Variants in TRAIP observed in about 807,000 individuals in gnomAD.
TRAIP encodes the protein TRAF interacting protein.
TRAIP carries 37 observed loss-of-function variants against 65.0 expected under a neutral mutation model. That is an observed-to-expected ratio of 0.57 (90% CI 0.44 to 0.75). The LOEUF (loss-of-function observed/expected upper bound fraction) is 0.75, where lower values mean the gene tolerates loss of function less well. Among genes scored for constraint, TRAIP ranks in the 30% least tolerant of loss-of-function variants. The pLI is 0.00. For synonymous variants in TRAIP, 187 were observed against 219.1 expected, an observed-to-expected ratio of 0.85 and a Z score of 1.29; for missense variants, 481 against 579.4, an observed-to-expected ratio of 0.83 and a Z score of 1.74.
intron 14 of TRAIP, 54 bp from the exon 15 acceptor site, chr3:49,829,279 G>C (rs758337570): frequency 2.5e-6 from 4 of 1,614,002 alleles, no homozygotes; most frequent in Non-Finnish European, 3.4e-6. Flanking sequence ...TGCAGGGCGA[G>C]AAAGGACTGC....
At chr3:49,839,531 G>A (rs1006668791) in intron 10 of TRAIP, among the ~76,000 whole-genome samples, 1 of 152,246 alleles carries the variant, frequency 6.6e-6, no homozygotes, top group African/African-American at 2.4e-5. Flanking sequence ...GACAGTCAGT[G>A]CTTCTGCCCT....
chr3:49,833,681 G>A (rs959585558), intron 10 of TRAIP, among the ~76,000 whole-genome samples: 7 of 152,004 alleles, frequency 4.6e-5, no homozygotes, highest in Non-Finnish European at 7.4e-5. Context: ...GGGTTACACC[G>A]TGTTAGCCAG....
At chr3:49,838,099 C>T (rs2108313964) in intron 10 of TRAIP, among the ~76,000 whole-genome samples, 1 of 152,292 alleles carries the variant, frequency 6.6e-6, no homozygotes, top group Admixed American at 6.5e-5. Flanking sequence ...AACTCCTGGA[C>T]TCAAGCAATC....
rs2081970358 is a variant in TRAIP at position 49,856,427 on chromosome 3, G to A, written c.27C>T (p.Ile9=). 6.2e-7 allele frequency: 1 copy of A among 1,614,216 alleles called. No individual in the cohort carries two copies. Residue 9 remains isoleucine, a synonymous_variant, in exon 1 of 15, where the codon ATC becomes ATT. Transcript: ENST00000331456. ...GGGAGTGATCGAAGAAGTCGGAGCA[G>A]ATAGTGCACAGAGCACGGATAGGCA... MPIRALCT[I]CSDFFDHSRD...
chr3:49,854,880 G>T (rs1313564104), intron 1 of TRAIP, among the ~76,000 whole-genome samples: 1 of 149,634 alleles, frequency 6.7e-6, no homozygotes, highest in Non-Finnish European at 1.5e-5. Context: ...AACATAGCAA[G>T]ACCCCATCTC....
rs1324114765 is a variant in TRAIP, at chr3:49,843,887, G to A, written c.322C>T (p.Arg108Trp). 1.2e-5 allele frequency: 19 copies of A among 1,613,048 alleles called. No homozygotes were observed. The highest frequency in any genetic ancestry group is 2.2e-5 in the East Asian group (1 of 44,856). ...GCATTGCGTTCTTCCAGCGTATCCC[G>A]CAGAGTGTCGATGATGACCTGGCTG... ...RDSQVIIDTL[R>W]DTLEERNATV... The change falls in exon 5 of 15, where the codon CGG becomes TGG. Residue 108 changes from arginine to tryptophan, a missense_variant. Physicochemically the swap from Arg to Trp is moderately radical, Grantham distance 101. Transcript: ENST00000331456.
At chr3:49,836,952 C>CA (rs1258599458) in intron 10 of TRAIP, among the ~76,000 whole-genome samples, 10 of 83,224 alleles carry the variant, frequency 1.2e-4, no homozygotes, top group African/African-American at 5.3e-4. Context: ...CTTGACATGA[C>CA]TTTTTTTTTT....
At chr3:49,840,797 C>G (rs1391112708) in intron 8 of TRAIP, among the ~76,000 whole-genome samples, 188 bp downstream of exon 8, 1 of 152,188 alleles carries the variant, frequency 6.6e-6, no homozygotes, top group Non-Finnish European at 1.5e-5. Context: ...ATCTGTCCAC[C>G]CCTAGTGGAC....
intron 10 of TRAIP, among the ~76,000 whole-genome samples, chr3:49,832,718 GGGGGGT>G: frequency 7.3e-5 from 2 of 27,228 alleles, no homozygotes; most frequent in African/African-American, 1.7e-4. Flanking sequence ...GGGGGGGGGT[GGGGGGT>G]GGGGAGTGAA....
chr3:49,832,938 G>A (rs1043157425), intron 10 of TRAIP, among the ~76,000 whole-genome samples: 4 of 152,226 alleles, frequency 2.6e-5, no homozygotes, highest in African/African-American at 9.6e-5. Flanking sequence ...TCAGAGGGAG[G>A]AAGCCTACCT....
chr3:49,829,535 G>T (rs1334857311), intron 13 of TRAIP, 27 bp from the exon 14 acceptor site: 1 of 1,614,162 alleles, frequency 6.2e-7, no homozygotes, highest in Middle Eastern at 1.6e-4. Context: ...AGATGAGTGG[G>T]CCAGGCTAAT....
chr3:49,849,288 G>C (rs997151246), intron 1 of TRAIP, among the ~76,000 whole-genome samples: 1 of 151,632 alleles, frequency 6.6e-6, no homozygotes, highest in Non-Finnish European at 1.5e-5. Context: ...GGAACTATTG[G>C]TATAAGCCAC....
Position 49,831,899 on chromosome 3 carries a change from C to T in TRAIP, c.1037+17G>A. 6.5e-7 allele frequency: 1 copy of T among 1,543,428 alleles called. No individual in the cohort carries two copies. The highest frequency in any genetic ancestry group is 8.8e-7 in the Non-Finnish European group (1 of 1,141,598). ...CCCCCTACCAGCCCATGGACAGTGC[C>T]AGCGACTATCACTCACTGTGACTTC... On this transcript the variant is annotated intron_variant, in intron 11 of 14. Coordinates refer to ENST00000331456, the MANE Select transcript of TRAIP (RefSeq NM_005879.3).
intron 10 of TRAIP, among the ~76,000 whole-genome samples, chr3:49,837,549 C>T (rs1321975943): frequency 1.3e-5 from 2 of 152,130 alleles, no homozygotes; most frequent in African/African-American, 4.8e-5. Context: ...AAAAGAAGGG[C>T]TTTTGCTAAA....
In TRAIP at chr3:49,841,886, T is replaced by A. The variant is rs2081842258; in HGVS notation, c.557A>T (p.Asp186Val). 2 of 1,614,236 alleles carry A rather than the reference T, an allele frequency of 1.2e-6. No homozygotes were observed. The highest frequency in any genetic ancestry group is 2.2e-5 in the South Asian group (2 of 91,086). ...QRPEVEEMIR[D>V]MGVGQSAVEQ... ...CACCGCTGACTGTCCCACACCCATG[T>A]CTCGGATCATCTCCTCCACCTCAGG... Residue 186 changes from aspartate (D) to valine (V), a missense_variant, in exon 7 of 15, where the codon GAC becomes GTC. Asp to Val is a radical substitution (Grantham distance 152). Coordinates refer to ENST00000331456, the MANE Select transcript of TRAIP (RefSeq NM_005879.3).
chr3:49,835,855 C>T (rs1024942583), intron 10 of TRAIP, among the ~76,000 whole-genome samples: 3 of 149,542 alleles, frequency 2.0e-5, no homozygotes, highest in African/African-American at 4.9e-5. Context: ...AGGAGAATAG[C>T]GTGAACCGGG....
At chr3:49,855,922 T>C (rs2081965903) in intron 1 of TRAIP, among the ~76,000 whole-genome samples, 1 of 152,210 alleles carries the variant, frequency 6.6e-6, no homozygotes, top group African/African-American at 2.4e-5. Context: ...TTGGGGTGTC[T>C]GGACAGTGAG....
At chr3:49,849,030 A>G (rs1474488990) in intron 1 of TRAIP, among the ~76,000 whole-genome samples, 1 of 152,046 alleles carries the variant, frequency 6.6e-6, no homozygotes, top group African/African-American at 2.4e-5. Flanking sequence ...TTTTTAGTAG[A>G]GACAGGGTTT....
intron 1 of TRAIP, among the ~76,000 whole-genome samples, chr3:49,850,833 T>A (rs765205818): frequency 1.3e-5 from 2 of 151,526 alleles, no homozygotes; most frequent in Non-Finnish European, 2.9e-5. Context: ...TTTTATATTT[T>A]TTTAGTAGAG....
Sources: allele counts gnomAD v4.1 joint callset (sites outside exome capture counted in the v4.1 genomes callset), GRCh38; gene constraint gnomAD v4.1.1; transcripts MANE v1.5; gene names NCBI Gene and HGNC (gene_info 2026-07-23, HGNC 2026-07-21).